The following PPP2R2B variants were observed in gnomAD, a reference collection of about 807,000 sequenced individuals.
PPP2R2B encodes serine/threonine-protein phosphatase 2A 55 kDa regulatory subunit B beta isoform.
In PPP2R2B, 5 loss-of-function variants were observed where a neutral mutation model predicts 46.0. That is an observed-to-expected ratio of 0.11 (90% CI 0.06 to 0.23). The LOEUF (loss-of-function observed/expected upper bound fraction) is 0.23. Among genes scored for constraint, PPP2R2B ranks in the 10% least tolerant of loss-of-function variants. PPP2R2B has a pLI of 1.00. For synonymous variants in PPP2R2B, 215 were observed against 206.7 expected, an observed-to-expected ratio of 1.04 and a Z score of -0.34; for missense variants, 367 against 575.0, an observed-to-expected ratio of 0.64 and a Z score of 3.70.
exon 1 of PPP2R2B, chr5:147,081,258 A>T (rs771611483): frequency 1.3e-6 from 2 of 1,535,678 alleles, no homozygotes; most frequent in South Asian, 1.2e-5. Flanking sequence ...CTTGCACACC[A>T]GGTATCATCT....
chr5:146,908,814 C>T (rs1336322661), intron 1 of PPP2R2B, among the ~76,000 whole-genome samples: 5 of 151,920 alleles, frequency 3.3e-5, no homozygotes. Flanking sequence ...TCCCTTCCTT[C>T]CTTCCCACCC....
At chr5:146,946,612 T>C (rs1183631968) in intron 1 of PPP2R2B, among the ~76,000 whole-genome samples, 3 of 152,114 alleles carry the variant, frequency 2.0e-5, no homozygotes, top group Admixed American at 6.6e-5. Context: ...AGATTACAAT[T>C]TGTCACTGAA....
intron 2 of PPP2R2B, among the ~76,000 whole-genome samples, chr5:147,077,275 TACACACACACACAC>T (rs370176510): frequency 5.0e-5 from 7 of 140,482 alleles, no homozygotes; most frequent in Admixed American, 2.9e-4. Flanking sequence ...TATGTGTGTA[TACACACACACACAC>T]ACACACACAC....
At chr5:146,592,814 T>A (rs1056709865) in intron 9 of PPP2R2B, among the ~76,000 whole-genome samples, 157 bp downstream of exon 9, 22 of 152,210 alleles carry the variant, frequency 1.4e-4, no homozygotes. Flanking sequence ...TTTCCAGCCT[T>A]GACTTCAAGG....
intron 1 of PPP2R2B, among the ~76,000 whole-genome samples, chr5:147,000,001 C>T (rs1754090513): frequency 6.6e-6 from 1 of 152,110 alleles, no homozygotes; most frequent in African/African-American, 2.4e-5. Flanking sequence ...GACCTGAATA[C>T]CTGCATTCCA....
At chr5:146,995,608 A>T (rs1256804406) in intron 1 of PPP2R2B, among the ~76,000 whole-genome samples, 1 of 152,040 alleles carries the variant, frequency 6.6e-6, no homozygotes, top group African/African-American at 2.4e-5. Context: ...CACAAGTTCA[A>T]CTCCATATTT....
rs1771660981 is a variant in PPP2R2B at position 146,600,354 on chromosome 5, C to T, written c.897G>A (p.Arg299=). Residue 299 remains arginine (R), a synonymous_variant, in exon 8 of 10, where the codon AGG becomes AGA. Coordinates refer to ENST00000394411, the MANE Select transcript of PPP2R2B (RefSeq NM_181675.4). ...CCCAGACTTTGACGGTCAAGTAGTCCCTGGTCATGATATACCTCCCACTGT... is the reference window on the plus strand; with the variant it reads ...CCCAGACTTTGACGGTCAAGTAGTCTCTGGTCATGATATACCTCCCACTGT... ...FSHSGRYIMT[R]DYLTVKVWDL... The T allele has an allele frequency of 6.2e-7, 1 of 1,613,812 alleles. No individual in the cohort carries two copies. The highest frequency in any genetic ancestry group is 8.5e-7 in the Non-Finnish European group (1 of 1,179,894).
At chr5:146,705,690 A>C (rs1779793704) in intron 2 of PPP2R2B, among the ~76,000 whole-genome samples, 1 of 152,158 alleles carries the variant, frequency 6.6e-6, no homozygotes, top group African/African-American at 2.4e-5. Context: ...TAACTTACCA[A>C]GTTTTGGTAA....
intron 7 of PPP2R2B, 49 bp downstream of exon 7, chr5:146,638,202 C>T (rs911862545): frequency 3.2e-6 from 5 of 1,579,012 alleles, no homozygotes; most frequent in Non-Finnish European, 4.3e-6. Flanking sequence ...TCCCCCAGCA[C>T]ATTGGGGCCA....
intron 7 of PPP2R2B, among the ~76,000 whole-genome samples, chr5:146,608,111 G>T (rs1160718121): frequency 6.6e-6 from 1 of 152,180 alleles, no homozygotes; most frequent in Non-Finnish European, 1.5e-5. Flanking sequence ...ATAGTTTGCT[G>T]AGCCCTGATA....
intron 1 of PPP2R2B, among the ~76,000 whole-genome samples, chr5:146,959,896 A>C (rs950868987): frequency 6.6e-6 from 1 of 152,190 alleles, no homozygotes; most frequent in East Asian, 1.9e-4. Context: ...CGACAATGAC[A>C]GAGCTCAAGA....
chr5:146,782,898 GAGAA>G (rs1755620408), intron 2 of PPP2R2B, among the ~76,000 whole-genome samples: 1 of 152,018 alleles, frequency 6.6e-6, no homozygotes, highest in Non-Finnish European at 1.5e-5. Context: ...AAAGGAGAGA[GAGAA>G]AGAAAGGGGA....
chr5:146,669,904 T>C (rs1384609686), intron 5 of PPP2R2B, among the ~76,000 whole-genome samples: 1 of 152,224 alleles, frequency 6.6e-6, no homozygotes, highest in Non-Finnish European at 1.5e-5. Flanking sequence ...ATATTTCCAG[T>C]ATAAAGAAGA....
At chr5:146,795,768 G>A (rs11748900) in intron 2 of PPP2R2B, among the ~76,000 whole-genome samples, 67,452 of 151,946 alleles carry the variant, frequency 0.44, 18,242 homozygotes, top group Non-Finnish European at 0.59. Flanking sequence ...GTCAGGTTGT[G>A]CAACTTAAAT....
chr5:147,047,463 C>A (rs1756596785), intron 1 of PPP2R2B, among the ~76,000 whole-genome samples: 1 of 152,034 alleles, frequency 6.6e-6, no homozygotes, highest in Non-Finnish European at 1.5e-5. Flanking sequence ...CTCCACCCCC[C>A]AAAATGTACA....
intron 1 of PPP2R2B, among the ~76,000 whole-genome samples, chr5:147,053,588 T>G (rs1205000505): frequency 2.1e-5 from 3 of 146,042 alleles, no homozygotes; most frequent in Non-Finnish European, 4.5e-5. Flanking sequence ...AGATGTATAC[T>G]GATCACTTTT....
chr5:146,887,899 T>C (rs1762380076), intron 1 of PPP2R2B, among the ~76,000 whole-genome samples: 1 of 152,236 alleles, frequency 6.6e-6, no homozygotes, highest in Admixed American at 6.5e-5. Context: ...AATGTTGTGG[T>C]CACATGATCA....
At chr5:147,027,944 A>G (rs989007081) in intron 1 of PPP2R2B, among the ~76,000 whole-genome samples, 5 of 152,208 alleles carry the variant, frequency 3.3e-5, no homozygotes, top group Non-Finnish European at 7.3e-5. Flanking sequence ...CTTCCAGGAC[A>G]TCTTTTTAAC....
intron 7 of PPP2R2B, among the ~76,000 whole-genome samples, chr5:146,632,067 C>G (rs1055576054): frequency 2.4e-5 from 3 of 127,582 alleles, no homozygotes; most frequent in Non-Finnish European, 3.3e-5. Context: ...TTGTGCCCCC[C>G]CCCCCGCCCA....
Sources: allele counts gnomAD v4.1 joint callset (sites outside exome capture counted in the v4.1 genomes callset), GRCh38; gene constraint gnomAD v4.1.1; transcripts MANE v1.5; gene names NCBI Gene and HGNC (gene_info 2026-07-23, HGNC 2026-07-21).